The following GBX1 variants were observed in gnomAD, a reference collection of about 807,000 sequenced individuals.
The protein encoded by GBX1 is homeobox protein GBX-1.
Under a neutral mutation model 22.9 loss-of-function variants are expected in GBX1, and 9 were observed. The ratio of observed to expected loss-of-function variants is 0.39; its 90% CI spans 0.24 to 0.69. The LOEUF (loss-of-function observed/expected upper bound fraction) is 0.69. Ranked by LOEUF, GBX1 falls within the 30% of genes least tolerant of loss-of-function variation. The pLI, the probability that GBX1 is intolerant of heterozygous loss-of-function variation, is 0.43. For synonymous variants in GBX1, 203 were observed against 227.3 expected, an observed-to-expected ratio of 0.89 and a Z score of 0.96; for missense variants, 494 against 509.2, an observed-to-expected ratio of 0.97 and a Z score of 0.29.
At position 151,164,979 on chromosome 7, in the gene GBX1, A is replaced by G. The variant is rs191056426; in HGVS notation, c.538+2032T>C. On this transcript the variant is annotated intron_variant, in intron 1 of 1. Coordinates refer to ENST00000297537, the MANE Select transcript of GBX1 (RefSeq NM_001098834.3). Reference sequence around the variant, plus strand: ...CTCTCATGACAGAACTCTTACACACACACACACAAACACACACACACATAC... The same window carrying G: ...CTCTCATGACAGAACTCTTACACACGCACACACAAACACACACACACATAC... Among the ~76,000 whole-genome samples, 939 of 151,820 alleles carry G rather than the reference A, an allele frequency of 6.2e-3. 6 individuals carry two copies. The highest frequency in any genetic ancestry group is 0.024 in the South Asian group (115 of 4,814).
chr7:151,154,760 CTTCTAAGAGGAAGGGG>C, intron 1 of GBX1, among the ~76,000 whole-genome samples: 1 of 152,286 alleles, frequency 6.6e-6, no homozygotes, highest in Admixed American at 6.5e-5. Context: ...TGGGGCCTTC[CTTCTAAGAGGAAGGGG>C]AGCAGCTCCA....
chr7:151,154,363 C>T (rs1288811594), intron 1 of GBX1, among the ~76,000 whole-genome samples: 1 of 152,044 alleles, frequency 6.6e-6, no homozygotes, highest in Admixed American at 6.6e-5. Flanking sequence ...AATAATGATT[C>T]TGATGAGAAT....
intron 1 of GBX1, among the ~76,000 whole-genome samples, chr7:151,162,804 C>CTTT (rs111815011): frequency 1.6e-5 from 2 of 126,454 alleles, no homozygotes; most frequent in Non-Finnish European, 3.3e-5. Flanking sequence ...TTTCTTCTGC[C>CTTT]TTTTTTTTTT....
chr7:151,162,645 G>A (rs912400886), intron 1 of GBX1, among the ~76,000 whole-genome samples: 46 of 152,060 alleles, frequency 3.0e-4, no homozygotes, highest in African/African-American at 9.7e-4. Flanking sequence ...TAGTTTTCAC[G>A]TCAATCTCTC....
chr7:151,148,619 G>T lies in GBX1; in HGVS notation c.1062C>A (p.His354Gln), dbSNP rs1335748337. 1.2e-6 allele frequency: 2 copies of T among 1,613,962 alleles called. No homozygotes were observed. The highest frequency in any genetic ancestry group is 1.7e-6 in the Non-Finnish European group (2 of 1,179,908). Residue 354 changes from histidine (H) to glutamine (Q), a missense_variant, in exon 2 of 2, where the codon CAC (histidine) becomes CAA (glutamine). Coordinates refer to ENST00000297537, the MANE Select transcript of GBX1 (RefSeq NM_001098834.3). This position sits in a 1 kb window ranked among gnomAD's most constrained non-coding sequence, Gnocchi z 5.1. Reference protein sequence around the residue: ...HVNRFAVRSQHQQMEQGARP With the variant: ...HVNRFAVRSQQQQMEQGARP ...GCCGGGCCCCCTGCTCCATTTGTTGGTGCTGGCTCCGCACAGCAAACCTGT... is the reference window on the plus strand; with the variant it reads ...GCCGGGCCCCCTGCTCCATTTGTTGTTGCTGGCTCCGCACAGCAAACCTGT...
rs1308318247 is a variant in GBX1 at position 151,167,230 on chromosome 7, T to G, written c.319A>C (p.Ser107Arg). 6.4e-7 allele frequency: 1 copy of G among 1,554,252 alleles called. No individual in the cohort carries two copies. Among genetic ancestry groups the G allele is most frequent in the Non-Finnish European group, 8.7e-7 (1 of 1,152,252 alleles). Reference sequence around the variant, plus strand: ...AAAGCGTCGGGCGGCTCCGCGAAGCTGGGCAGCGCGGTGGTCAGCGCCACC... The same window carrying G: ...AAAGCGTCGGGCGGCTCCGCGAAGCGGGGCAGCGCGGTGGTCAGCGCCACC... ...SMVALTTALP[S>R]FAEPPDAFYG... The change falls in exon 1 of 2, where the codon AGC becomes CGC. Residue 107 changes from serine to arginine, a missense_variant. Physicochemically the swap from Ser to Arg is moderately radical, Grantham distance 110. Transcript: ENST00000297537. The surrounding 1 kb of genome is among the most constrained non-coding windows in gnomAD (Gnocchi z 5.9).
Position 151,167,119 on chromosome 7 carries a change from G to A in GBX1, c.430C>T (p.Pro144Ser), listed in dbSNP as rs776142899. 6.2e-7 allele frequency: 1 copy of A among 1,601,866 alleles called. No homozygotes were observed. The highest frequency in any genetic ancestry group is 1.7e-5 in the Admixed American group (1 of 58,330). Residue 144 changes from proline to serine, a missense_variant, in exon 1 of 2, where the codon CCA becomes TCA. By Grantham distance (74) the Pro-to-Ser change is moderately conservative. This residue lies in a region of GBX1 where 365 missense variants were observed against 340.4 expected (regional missense o/e 1.07). Transcript: ENST00000297537. The surrounding 1 kb of genome is among the most constrained non-coding windows in gnomAD (Gnocchi z 5.9). Reference sequence around the variant, plus strand: ...TCATCAGCTTCCAGCCCACCCTCTGGGCGTCGGCCGCCTGGCTCGGGGTTG... The same window carrying A: ...TCATCAGCTTCCAGCCCACCCTCTGAGCGTCGGCCGCCTGGCTCGGGGTTG... ...RNNPEPGGRR[P>S]EGGLEADELL... is the part of the protein sequence containing the mutation.
At chr7:151,154,099 G>C (rs1019997345) in intron 1 of GBX1, among the ~76,000 whole-genome samples, 2 of 152,102 alleles carry the variant, frequency 1.3e-5, no homozygotes, top group African/African-American at 4.8e-5. Flanking sequence ...TTAGCCAGGG[G>C]TGTTGGCGTG....
rs193057566 is a variant in GBX1, at chr7:151,160,820, G to A, written c.538+6191C>T. 1.3e-3 allele frequency among the ~76,000 whole-genome samples: 199 copies of A among 152,174 alleles called. 1 individual carries two copies. Among genetic ancestry groups the A allele is most frequent in the African/African-American group, 4.6e-3 (192 of 41,516 alleles). On this transcript the variant is annotated intron_variant, in intron 1 of 1. Coordinates refer to ENST00000297537, the MANE Select transcript of GBX1 (RefSeq NM_001098834.3). ...CTCAGACTTCCAAAAAAAATTTCCCGCCTCTTTTTTACTACACTCCTAATC... is the reference window on the plus strand; with the variant it reads ...CTCAGACTTCCAAAAAAAATTTCCCACCTCTTTTTTACTACACTCCTAATC...
chr7:151,153,836 T>C (rs1801106084), intron 1 of GBX1, among the ~76,000 whole-genome samples: 1 of 152,112 alleles, frequency 6.6e-6, no homozygotes, highest in Non-Finnish European at 1.5e-5. Context: ...GTGCTGGGAT[T>C]ACAGGTGTGA....
intron 1 of GBX1, among the ~76,000 whole-genome samples, chr7:151,153,129 G>C (rs988412891): frequency 4.8e-4 from 73 of 152,060 alleles, no homozygotes; most frequent in African/African-American, 1.8e-3. Context: ...TAAATGATGA[G>C]TCAGATAAAA....
At chr7:151,159,855 C>A (rs540155711) in intron 1 of GBX1, among the ~76,000 whole-genome samples, 1 of 152,304 alleles carries the variant, frequency 6.6e-6, no homozygotes, top group African/African-American at 2.4e-5. Context: ...AATCTACCGT[C>A]TTTATCAAAT....
intron 1 of GBX1, among the ~76,000 whole-genome samples, chr7:151,162,400 C>T (rs1182356863): frequency 6.6e-6 from 1 of 152,214 alleles, no homozygotes; most frequent in Non-Finnish European, 1.5e-5. Context: ...AGGTGCTTAG[C>T]TTACGGTAAT....
At chr7:151,161,589 T>G (rs1312373895) in intron 1 of GBX1, among the ~76,000 whole-genome samples, 1 of 152,218 alleles carries the variant, frequency 6.6e-6, no homozygotes, top group Non-Finnish European at 1.5e-5. Flanking sequence ...TATATTAAAA[T>G]ATAGTTTAAA....
chr7:151,151,101 A>C (rs1411829883), intron 1 of GBX1, among the ~76,000 whole-genome samples: 2 of 152,096 alleles, frequency 1.3e-5, no homozygotes, highest in Non-Finnish European at 2.9e-5. Flanking sequence ...AATCAACTTC[A>C]TACCTCGAAG....
chr7:151,155,870 G>C (rs752615095), intron 1 of GBX1, among the ~76,000 whole-genome samples: 9 of 152,204 alleles, frequency 5.9e-5, no homozygotes, highest in Non-Finnish European at 1.2e-4. Context: ...AAAAAATGGA[G>C]TTTCAGACAG....
At chr7:151,164,008 G>A (rs1488980409) in intron 1 of GBX1, among the ~76,000 whole-genome samples, 4 of 151,950 alleles carry the variant, frequency 2.6e-5, no homozygotes, top group Admixed American at 1.3e-4. Context: ...CTCAGTTCTA[G>A]TAGAGAATGG....
Position 151,148,535 on chromosome 7 carries a change from T to C in GBX1, c.*54A>G. On this transcript the variant is annotated 3_prime_UTR_variant, in exon 2 of 2. Coordinates refer to ENST00000297537, the MANE Select transcript of GBX1 (RefSeq NM_001098834.3). The surrounding 1 kb of genome is among the most constrained non-coding windows in gnomAD (Gnocchi z 5.1). ...TCTGGTCCACAGAACCCTGACAGTCTCAGAGCAGGCTCAGGTACAGATCCC... is the reference window on the plus strand; with the variant it reads ...TCTGGTCCACAGAACCCTGACAGTCCCAGAGCAGGCTCAGGTACAGATCCC... 3 of 1,526,174 alleles carry C rather than the reference T, an allele frequency of 2.0e-6. No individual in the cohort carries two copies. Among genetic ancestry groups the C allele is most frequent in the Non-Finnish European group, 2.7e-6 (3 of 1,121,026 alleles). The allele number at this position is 1,526,174 out of a possible 1,614,324, so 94.5% of individuals were successfully genotyped here.
chr7:151,149,944 G>A (rs762154662), intron 1 of GBX1: 2 of 455,898 alleles, frequency 4.4e-6, no homozygotes, highest in South Asian at 1.5e-5. Context: ...AGCCAAGGAT[G>A]CCTGAGCAGC....
Sources: allele counts gnomAD v4.1 joint callset (sites outside exome capture counted in the v4.1 genomes callset), GRCh38; gene constraint gnomAD v4.1.1; regional missense constraint gnomAD v4.1.1; non-coding constraint Gnocchi (gnomAD v3.1); transcripts MANE v1.5; gene names NCBI Gene and HGNC (gene_info 2026-07-23, HGNC 2026-07-21).